The following HELQ variants were observed in gnomAD, a reference collection of about 807,000 sequenced individuals.
HELQ encodes helicase POLQ-like.
Under a neutral mutation model 111.6 loss-of-function variants are expected in HELQ, and 77 were observed. The ratio of observed to expected loss-of-function variants is 0.69; its 90% CI spans 0.57 to 0.83. The LOEUF is 0.83. Among genes scored for constraint, HELQ ranks in the 40% least tolerant of loss-of-function variants. HELQ has a pLI of 0.00. For synonymous variants in HELQ, 438 were observed against 454.7 expected, an observed-to-expected ratio of 0.96 and a Z score of 0.47; for missense variants, 1,200 against 1,288.5, an observed-to-expected ratio of 0.93 and a Z score of 1.05.
In HELQ at chr4:83,455,495, G is replaced by T; in HGVS notation, c.199C>A (p.Leu67Ile). 6.2e-7 allele frequency: 1 copy of T among 1,614,170 alleles called. No individual in the cohort carries two copies. The highest frequency in any genetic ancestry group is 1.1e-5 in the South Asian group (1 of 91,080). ...AGACATTCCGGGGAATCTGAGAGTA[G>T]AAGGGGCTGTACCTCAACCGGCAGT... is the stretch of plus-strand genomic sequence containing the variant. ...GVLPVEVQPL[L>I]LSDSPECLVL... is the part of the protein sequence containing the mutation. The change falls in exon 1 of 18, where the codon CTA becomes ATA. Residue 67 changes from leucine to isoleucine, a missense_variant. By Grantham distance (5) the Leu-to-Ile change is conservative. Coordinates refer to ENST00000295488, the MANE Select transcript of HELQ (RefSeq NM_133636.5).
At chr4:83,425,643 C>T (rs1313814998) in intron 14 of HELQ, among the ~76,000 whole-genome samples, 1 of 152,108 alleles carries the variant, frequency 6.6e-6, no homozygotes, top group Non-Finnish European at 1.5e-5. Flanking sequence ...CAGACCTGTC[C>T]TATCTTAGAA....
intron 6 of HELQ, among the ~76,000 whole-genome samples, chr4:83,442,877 T>C (rs1229682825): frequency 1.3e-5 from 2 of 152,096 alleles, no homozygotes; most frequent in Admixed American, 6.6e-5. Flanking sequence ...AAATTAAAAT[T>C]TGGCAATTAA....
At chr4:83,419,497 GAT>G (rs1256852064) in intron 15 of HELQ, among the ~76,000 whole-genome samples, 1 of 148,474 alleles carries the variant, frequency 6.7e-6, no homozygotes. Context: ...ATATAATTAT[GAT>G]ATATATAAAT....
chr4:83,447,180 T>C, intron 3 of HELQ, 145 bp from the exon 4 acceptor site: 1 of 587,022 alleles, frequency 1.7e-6, no homozygotes. Flanking sequence ...AGACCTCATC[T>C]CTATAAAAAA....
chr4:83,433,748 C>T (rs1023762177), intron 9 of HELQ, among the ~76,000 whole-genome samples: 4 of 148,186 alleles, frequency 2.7e-5, no homozygotes, highest in Non-Finnish European at 5.9e-5. Flanking sequence ...CTTTGGAAGG[C>T]GAAGGCAGGA....
chr4:83,434,985 C>T (rs186629386), intron 9 of HELQ, among the ~76,000 whole-genome samples: 91 of 152,234 alleles, frequency 6.0e-4, no homozygotes, highest in African/African-American at 2.1e-3. Context: ...TTAAAAGCAT[C>T]CACCCAAGTG....
intron 17 of HELQ, among the ~76,000 whole-genome samples, chr4:83,409,795 G>A (rs987370665): frequency 4.6e-5 from 7 of 152,120 alleles, no homozygotes; most frequent in Admixed American, 1.3e-4. Flanking sequence ...AAAGTTGACT[G>A]AGCTCAGGAA....
At chr4:83,432,463 A>G (rs1055457536) in intron 9 of HELQ, among the ~76,000 whole-genome samples, 196 bp from the exon 10 acceptor site, 1 of 152,164 alleles carries the variant, frequency 6.6e-6, no homozygotes, top group African/African-American at 2.4e-5. Flanking sequence ...ACTCTTAGTT[A>G]TAATATACTT....
intron 2 of HELQ, among the ~76,000 whole-genome samples, chr4:83,450,222 TAAAAAAAA>T (rs71668650): frequency 1.5e-4 from 7 of 45,606 alleles, no homozygotes; most frequent in East Asian, 1.1e-3. Flanking sequence ...CAGTTAAGTT[TAAAAAAAA>T]AAAAAAAAAA....
chr4:83,452,332 G>A (rs1319214628), intron 2 of HELQ, among the ~76,000 whole-genome samples: 1 of 151,916 alleles, frequency 6.6e-6, no homozygotes, highest in Non-Finnish European at 1.5e-5. Context: ...TTCCAAAGTG[G>A]CCCAAGGAAG....
At position 83,436,908 on chromosome 4, in the gene HELQ, AAGAC is replaced by A. The variant is rs776503830; in HGVS notation, c.1994_1997del (p.Cys665PhefsTer8). On this transcript the variant is annotated frameshift_variant, in exon 9 of 18. Coordinates refer to ENST00000295488, the MANE Select transcript of HELQ (RefSeq NM_133636.5). LOFTEE classifies it high-confidence loss of function. Reference sequence around the variant, plus strand: ...CCGCTAGGGTAGATGTGCAGGTAAAAAGACAGAGCACTCCTGTGGAGTAGGCCTC... The same window carrying A: ...CCGCTAGGGTAGATGTGCAGGTAAAAAGAGCACTCCTGTGGAGTAGGCCTC... 1.9e-6 allele frequency: 3 copies of A among 1,614,178 alleles called. No homozygotes were observed. The highest frequency in any genetic ancestry group is 2.2e-5 in the South Asian group (2 of 91,082).
At chr4:83,421,463 A>G (rs948407484) in intron 15 of HELQ, 100 bp downstream of exon 15, 9 of 804,674 alleles carry the variant, frequency 1.1e-5, no homozygotes, top group South Asian at 3.7e-5. Flanking sequence ...TATGTCAACA[A>G]GGAGAAAATG....
rs1738851793 is a variant in HELQ at position 83,407,407 on chromosome 4, C to A, written c.*46G>T. On this transcript the variant is annotated 3_prime_UTR_variant, in exon 18 of 18. Coordinates refer to ENST00000295488, the MANE Select transcript of HELQ (RefSeq NM_133636.5). ...AGTATAAGTTATCTTTAATAACACA[C>A]ATGTACAATAAATAATTCATATATG... 3 of 1,174,784 alleles carry A rather than the reference C, an allele frequency of 2.6e-6. No homozygotes were observed. Among genetic ancestry groups the A allele is most frequent in the African/African-American group, 1.6e-5 (1 of 63,448 alleles). 72.8% of individuals were successfully genotyped at this position (1,174,784 alleles called of 1,614,324 possible). A position where few individuals can be genotyped will look rare whatever the true frequency, so the allele number is the denominator to read the frequency against.
Position 83,453,807 on chromosome 4 carries a change from C to T in HELQ, c.436G>A (p.Glu146Lys). 6.2e-7 allele frequency: 1 copy of T among 1,614,108 alleles called. No individual in the cohort carries two copies. The highest frequency in any genetic ancestry group is 8.5e-7 in the Non-Finnish European group (1 of 1,180,014). ...TTGATACTTTCCGAGCAAAGATTTT[C>T]AGTGGCAAAGTCTGTAGCATGTTTC... ...HKKHATDFAT[E>K]NLCSESIKNK... Residue 146 changes from glutamate to lysine, a missense_variant, in exon 2 of 18, where the codon GAA (glutamate) becomes AAA (lysine). Glu to Lys is a moderately conservative substitution (Grantham distance 56). Transcript: ENST00000295488.
At chr4:83,449,501 A>C (rs546799071) in intron 2 of HELQ, among the ~76,000 whole-genome samples, 1 of 152,354 alleles carries the variant, frequency 6.6e-6, no homozygotes, top group South Asian at 2.1e-4. Flanking sequence ...TAAACTGTTA[A>C]AACTCTTTAA....
Position 83,435,328 on chromosome 4 carries a change from T to C in HELQ, c.2048+1530A>G, listed in dbSNP as rs914511841. Among the ~76,000 whole-genome samples the C allele has an allele frequency of 2.0e-5, 3 of 151,974 alleles. No individual in the cohort carries two copies. In the South Asian group the frequency reaches 6.2e-4, roughly 32 times the overall value. On this transcript the variant is annotated intron_variant, in intron 9 of 17. Transcript: ENST00000295488. ...AATTGGGAGGTTAAAGAGAAAAGTC[T>C]AAAAGTTTCTGGAAAAGAAAAACAG...
chr4:83,446,854 C>T lies in HELQ; in HGVS notation c.1373G>A (p.Gly458Asp), dbSNP rs1455844222. The T allele has an allele frequency of 6.2e-7, 1 of 1,612,552 alleles. No homozygotes were observed. Among genetic ancestry groups the T allele is most frequent in the Non-Finnish European group, 8.5e-7 (1 of 1,178,662 alleles). Residue 458 changes from glycine (G) to aspartate (D), a missense_variant, in exon 4 of 18, where the codon GGT becomes GAT. This residue lies in a region of HELQ where 610 missense variants were observed against 607.1 expected (regional missense o/e 1.00). Transcript: ENST00000295488. ...LIETGRIDSL[G>D]LVVVDELHMI... ...ACCAACCTCGTCTACAACAACCAGA[C>T]CCAGACTGTCAATTCTTCCAGTTTC...
intron 11 of HELQ, 46 bp from the exon 12 acceptor site, chr4:83,429,792 G>GT: frequency 7.9e-7 from 1 of 1,262,552 alleles, no homozygotes; most frequent in Non-Finnish European, 1.1e-6. Flanking sequence ...TTAATTCAAG[G>GT]CATCACCTTG....
chr4:83,407,567 TA>T lies in HELQ; in HGVS notation c.3199-8del. On this transcript the variant is annotated splice_polypyrimidine_tract_variant and splice_region_variant and intron_variant, in intron 17 of 17. Coordinates refer to ENST00000295488, the MANE Select transcript of HELQ (RefSeq NM_133636.5). The stretch of plus-strand genomic sequence containing the variant: ...CTTTTTCATGCAACAGCATCTACAT[TA>T]AAAAATTAAGACGTGAGGCCAAAAT... The T allele has an allele frequency of 6.2e-7, 1 of 1,600,112 alleles. No individual in the cohort carries two copies. The highest frequency in any genetic ancestry group is 8.5e-7 in the Non-Finnish European group (1 of 1,171,638).
Sources: allele counts gnomAD v4.1 joint callset (sites outside exome capture counted in the v4.1 genomes callset), GRCh38; gene constraint gnomAD v4.1.1; regional missense constraint gnomAD v4.1.1; transcripts MANE v1.5; gene names NCBI Gene and HGNC (gene_info 2026-07-23, HGNC 2026-07-21).